The following TENM3 variants were observed in gnomAD, a reference collection of about 807,000 sequenced individuals.
The protein encoded by TENM3 is teneurin transmembrane protein 3.
TENM3 carries 63 observed loss-of-function variants against 255.1 expected under a neutral mutation model. That is an observed-to-expected ratio of 0.25 (90% CI 0.20 to 0.30). The LOEUF is 0.30. TENM3 is among the 10% of genes least tolerant of loss of function. The pLI is 1.00. For synonymous variants in TENM3, 1,306 were observed against 1,322.3 expected (o/e 0.99, Z 0.27); for missense variants, 2,929 against 3,461.1 (o/e 0.85, Z 3.86).
At chr4:182,135,674 G>A in the TENM3 span, among the ~76,000 whole-genome samples, 2 of 152,238 alleles carry the variant, frequency 1.3e-5, no homozygotes, top group African/African-American at 2.4e-5. Flanking sequence ...CACGAACTTC[G>A]TCGTAAGTAT....
At chr4:181,713,085 CT>C in the TENM3 span, among the ~76,000 whole-genome samples, 1 of 152,348 alleles carries the variant, frequency 6.6e-6, no homozygotes, top group South Asian at 2.1e-4. Context: ...CAGAGTACCT[CT>C]CAGCCAACTT....
intron 12 of TENM3, among the ~76,000 whole-genome samples, chr4:182,691,124 T>G (rs1283963019): frequency 6.6e-6 from 1 of 152,274 alleles, no homozygotes; most frequent in African/African-American, 2.4e-5. Context: ...AGTTTCCTGG[T>G]TAGGGCCCTT....
At chr4:181,784,043 C>G in the TENM3 span, among the ~76,000 whole-genome samples, 4 of 152,116 alleles carry the variant, frequency 2.6e-5, no homozygotes, top group Non-Finnish European at 2.9e-5. Flanking sequence ...ATTTGCACTT[C>G]AAATTTACTT....
chr4:181,604,264 A>C, the TENM3 span, among the ~76,000 whole-genome samples: 1 of 152,134 alleles, frequency 6.6e-6, no homozygotes, highest in Non-Finnish European at 1.5e-5. Context: ...GACTCCGTCT[A>C]AAAAAAAGAA....
intron 4 of TENM3, among the ~76,000 whole-genome samples, chr4:182,609,308 C>T (rs1748757900): frequency 6.6e-6 from 1 of 152,196 alleles, no homozygotes; most frequent in Admixed American, 6.5e-5. Context: ...CTGGTTTCAT[C>T]ACCAATTAAT....
At chr4:182,387,880 C>T (rs1768085183) in intron 3 of TENM3, among the ~76,000 whole-genome samples, 1 of 146,788 alleles carries the variant, frequency 6.8e-6, no homozygotes, top group African/African-American at 2.5e-5. Flanking sequence ...TCAGTGAGAC[C>T]AAGAACCCAC....
At chr4:182,369,692 T>G (rs550813471) in intron 3 of TENM3, among the ~76,000 whole-genome samples, 4 of 152,030 alleles carry the variant, frequency 2.6e-5, no homozygotes, top group African/African-American at 9.6e-5. Context: ...ACCAGCTTGG[T>G]CAACATGGTG....
At chr4:182,137,659 G>GT in the TENM3 span, among the ~76,000 whole-genome samples, 1 of 152,156 alleles carries the variant, frequency 6.6e-6, no homozygotes, top group Admixed American at 6.5e-5. Flanking sequence ...TTTCTGATCT[G>GT]TTATGGTATT....
intron 26 of TENM3, among the ~76,000 whole-genome samples, chr4:182,795,069 G>A (rs966918807): frequency 4.6e-5 from 7 of 151,996 alleles, no homozygotes; most frequent in Admixed American, 6.6e-5. Flanking sequence ...TGTTCTCTCA[G>A]TTCTCAAAAC....
At chr4:182,590,463 A>C (rs1406764192) in intron 3 of TENM3, among the ~76,000 whole-genome samples, 1 of 146,538 alleles carries the variant, frequency 6.8e-6, no homozygotes, top group African/African-American at 2.5e-5. Flanking sequence ...CATAGTGAAA[A>C]CCTGTGTCTA....
intron 24 of TENM3, among the ~76,000 whole-genome samples, chr4:182,782,359 G>A (rs1225847572): frequency 7.7e-6 from 1 of 130,572 alleles, no homozygotes; most frequent in Non-Finnish European, 1.5e-5. Context: ...ATGTAGTTGA[G>A]CGGTTTTGAG....
intron 1 of TENM3, among the ~76,000 whole-genome samples, chr4:182,173,474 G>A (rs996552310): frequency 4.6e-5 from 7 of 152,234 alleles, no homozygotes; most frequent in Admixed American, 1.3e-4. Context: ...TAAAATTTGA[G>A]TAAAGCTTTC....
intron 3 of TENM3, among the ~76,000 whole-genome samples, chr4:182,593,349 G>A (rs1746861598): frequency 6.6e-6 from 1 of 152,004 alleles, no homozygotes; most frequent in African/African-American, 2.4e-5. Context: ...CTGTCTCTCT[G>A]TCTGTCTGTC....
chr4:182,289,977 C>A (rs1465470525), intron 1 of TENM3, among the ~76,000 whole-genome samples: 1 of 152,096 alleles, frequency 6.6e-6, no homozygotes, highest in Non-Finnish European at 1.5e-5. Context: ...CTGTCTGGGA[C>A]CCCTCCAGCC....
the TENM3 span, among the ~76,000 whole-genome samples, chr4:181,854,030 G>C: frequency 6.6e-6 from 1 of 152,134 alleles, no homozygotes. Flanking sequence ...ACAACCAGTT[G>C]GTTCTTAATA....
chr4:182,248,133 C>G lies in TENM3; in HGVS notation c.-76+4657C>G, dbSNP rs896759967. On this transcript the variant is annotated intron_variant, in intron 1 of 27. Coordinates refer to ENST00000511685, the MANE Select transcript of TENM3 (RefSeq NM_001080477.4). The stretch of plus-strand genomic sequence containing the variant: ...GAAATACATTTCATTATTTTATTCA[C>G]TATATTTCAGTTAAAATTTGCTTTT... 5.3e-5 allele frequency among the ~76,000 whole-genome samples: 8 copies of G among 152,160 alleles called. 1 individual carries two copies. The highest frequency in any genetic ancestry group is 8.8e-5 in the Non-Finnish European group (6 of 68,036).
At chr4:182,656,895 G>A (rs1238946707) in intron 6 of TENM3, among the ~76,000 whole-genome samples, 1 of 152,152 alleles carries the variant, frequency 6.6e-6, no homozygotes, top group African/African-American at 2.4e-5. Flanking sequence ...ATCCTTTACT[G>A]ATTATTCCTG....
At chr4:181,558,626 C>T in the TENM3 span, among the ~76,000 whole-genome samples, 68 of 152,262 alleles carry the variant, frequency 4.5e-4, no homozygotes, top group Non-Finnish European at 8.2e-4. Flanking sequence ...CCAGAGCATT[C>T]CTGGTTGCAA....
the TENM3 span, among the ~76,000 whole-genome samples, chr4:181,526,284 G>A: frequency 6.7e-6 from 1 of 149,460 alleles, no homozygotes; most frequent in East Asian, 2.0e-4. Flanking sequence ...AAAAAAACCA[G>A]CAAAGTAGCG....
Sources: gnomAD v4.1 joint callset for allele counts (sites outside exome capture counted in the v4.1 genomes callset) on GRCh38, gnomAD v4.1.1 for gene constraint, MANE v1.5 for transcripts, NCBI Gene and HGNC (gene_info 2026-07-23, HGNC 2026-07-21) for gene names.